CD81: variants seen among roughly 807,000 people sequenced by gnomAD.
CD81 encodes CD81 molecule.
Under a neutral mutation model 30.1 loss-of-function variants are expected in CD81, and 10 were observed. The observed-to-expected ratio is 0.33, with a 90% CI of 0.21 to 0.56. The LOEUF (loss-of-function observed/expected upper bound fraction) is 0.56. Among genes scored for constraint, CD81 ranks in the 20% least tolerant of loss-of-function variants. The probability of loss-of-function intolerance (pLI) is 0.89; values close to 1 mark genes in which losing one functional copy is unlikely to be tolerated. For missense variants in CD81, 263 were observed against 308.7 expected (o/e 0.85, Z 1.11); for synonymous variants, 147 against 126.4 (o/e 1.16, Z -1.10).
chr11:2,396,111 T>TGGGGGG, intron 6 of CD81, 141 bp downstream of exon 6: 1 of 443,012 alleles, frequency 2.3e-6, no homozygotes, highest in Non-Finnish European at 4.5e-6. Flanking sequence ...GCTGCTCTGC[T>TGGGGGG]GGGAGGGTTG....
At chr11:2,381,320 CG>C (rs934562799) in intron 1 of CD81, among the ~76,000 whole-genome samples, 63 of 152,342 alleles carry the variant, frequency 4.1e-4, no homozygotes, top group African/African-American at 1.4e-3. Flanking sequence ...GTGGCTCTGC[CG>C]GGTGCTGACA....
intron 1 of CD81, among the ~76,000 whole-genome samples, chr11:2,384,974 C>T (rs1029699328): frequency 2.0e-5 from 3 of 152,096 alleles, no homozygotes; most frequent in East Asian, 1.9e-4. Context: ...TAACTGACAT[C>T]GGGCTCCATA....
intron 5 of CD81, 139 bp downstream of exon 5, chr11:2,395,659 A>G (rs567458567): frequency 2.5e-6 from 2 of 786,162 alleles, no homozygotes; most frequent in East Asian, 2.7e-5. Context: ...CCTGGTCTCA[A>G]CTGGTCCTCG....
chr11:2,381,165 C>CACTGGG (rs1220210683), intron 1 of CD81, among the ~76,000 whole-genome samples: 1 of 152,210 alleles, frequency 6.6e-6, no homozygotes, highest in African/African-American at 2.4e-5. Context: ...GGGAAACGGC[C>CACTGGG]ACTGGGTCAA....
chr11:2,396,015 GC>G, intron 6 of CD81, 45 bp downstream of exon 6: 1 of 1,317,714 alleles, frequency 7.6e-7, no homozygotes, highest in African/African-American at 1.4e-5. Flanking sequence ...CGCATGTCCC[GC>G]CCCTGGGTGG....
rs1244304650 is a variant in CD81, at chr11:2,377,641, C to T, written c.66+26C>T. 7 of 1,430,664 alleles carry T rather than the reference C, an allele frequency of 4.9e-6. No homozygotes were observed. The highest frequency in any genetic ancestry group is 2.7e-5 in the East Asian group (1 of 37,672). The allele number at this position is 1,430,664 out of a possible 1,614,324, so 88.6% of individuals were successfully genotyped here. On this transcript the variant is annotated intron_variant, in intron 1 of 7. Transcript: ENST00000263645. The surrounding 1 kb of genome is among the most constrained non-coding windows in gnomAD (Gnocchi z 7.7). Reference sequence around the variant, plus strand: ...GTAAGGGCTGCGCCGGGGGCCGGGGCGGGAGGGGGCAGGCACACACTCCAC... The same window carrying T: ...GTAAGGGCTGCGCCGGGGGCCGGGGTGGGAGGGGGCAGGCACACACTCCAC...
intron 1 of CD81, chr11:2,389,995 G>C (rs528902535): frequency 2.9e-6 from 1 of 349,132 alleles, no homozygotes; most frequent in Admixed American, 3.8e-5. Context: ...GCCAGATACG[G>C]AAGGTGAAAC....
rs1246933929 is a variant in CD81, at chr11:2,390,456, T to C, written c.111T>C (p.His37=). The C allele has an allele frequency of 6.2e-7, 1 of 1,612,844 alleles. No individual in the cohort carries two copies. The highest frequency in any genetic ancestry group is 1.3e-5 in the African/African-American group (1 of 74,944). ...TGGGTGTGGCCCTGTGGCTCCGCCA[T>C]GACCCGCAGACCACCAACCTCCTGT... is the stretch of plus-strand genomic sequence containing the variant. ...VILGVALWLR[H]DPQTTNLLYL... The change falls in exon 2 of 8, where the codon CAT becomes CAC. Residue 37 remains histidine, a synonymous_variant. Transcript: ENST00000263645.
At position 2,377,629 on chromosome 11, in the gene CD81, C is replaced by T. The variant is rs896240258; in HGVS notation, c.66+14C>T. On this transcript the variant is annotated intron_variant, in intron 1 of 7. Transcript: ENST00000263645. The surrounding 1 kb of genome is among the most constrained non-coding windows in gnomAD (Gnocchi z 7.7). ...TTCGTCTTCTGGGTAAGGGCTGCGC[C>T]GGGGGCCGGGGCGGGAGGGGGCAGG... 10 of 1,503,154 alleles carry T rather than the reference C, an allele frequency of 6.7e-6. No homozygotes were observed. The highest frequency in any genetic ancestry group is 2.9e-5 in the African/African-American group (2 of 69,614). The allele number at this position is 1,503,154 out of a possible 1,614,324, so 93.1% of individuals were successfully genotyped here.
At chr11:2,384,345 C>G (rs1333093179) in intron 1 of CD81, among the ~76,000 whole-genome samples, 1 of 15,706 alleles carries the variant, frequency 6.4e-5, no homozygotes, top group East Asian at 2.0e-3. Context: ...CGGGGCGTCT[C>G]GGGAGGTGGG....
chr11:2,393,861 T>C (rs947983206), intron 2 of CD81: 2 of 682,184 alleles, frequency 2.9e-6, no homozygotes, highest in African/African-American at 3.5e-5. Context: ...AGGTGCCCAG[T>C]CCCCATGTGG....
Position 2,397,272 on chromosome 11 carries a change from T to A in CD81, c.*406T>A, listed in dbSNP as rs1373708133. 4 of 287,806 alleles carry A rather than the reference T, an allele frequency of 1.4e-5. No individual in the cohort carries two copies. The highest frequency in any genetic ancestry group is 2.7e-5 in the Non-Finnish European group (4 of 148,932). 17.8% of individuals were successfully genotyped at this position (287,806 alleles called of 1,614,324 possible). ...CTCACCTTGTTCCCTCCTGCCCCGG[T>A]TCGAGAGCCGAGTCTGTGGGCACTC... On this transcript the variant is annotated 3_prime_UTR_variant, in exon 8 of 8. Transcript: ENST00000263645.
rs1030159011 is a variant in CD81, at chr11:2,377,758, T to TG, written c.66+149dup. 1.0e-4 allele frequency: 33 copies of TG among 322,292 alleles called. No homozygotes were observed. The highest frequency in any genetic ancestry group is 1.5e-4 in the Non-Finnish European group (27 of 183,896). 20.0% of individuals were successfully genotyped at this position (322,292 alleles called of 1,614,324 possible). A position where few individuals can be genotyped will look rare whatever the true frequency, so the allele number is the denominator to read the frequency against. Reference sequence around the variant, plus strand: ...CCACCTGTGGGCTCCAGGAGCGGGGTGGGGGGTCGCCCGGGGCCACCGCGC... The same window carrying TG: ...CCACCTGTGGGCTCCAGGAGCGGGGTGGGGGGGTCGCCCGGGGCCACCGCGC... On this transcript the variant is annotated intron_variant, in intron 1 of 7. Transcript: ENST00000263645. This position sits in a 1 kb window ranked among gnomAD's most constrained non-coding sequence, Gnocchi z 7.7.
In CD81 at chr11:2,395,063, A is replaced by T; in HGVS notation, c.354+17A>T. 1.3e-4 allele frequency: 175 copies of T among 1,372,106 alleles called. No homozygotes were observed. The highest frequency in any genetic ancestry group is 1.7e-4 in the Non-Finnish European group (164 of 974,080). The allele number at this position is 1,372,106 out of a possible 1,614,324, so 85.0% of individuals were successfully genotyped here. A position where few individuals can be genotyped will look rare whatever the true frequency, so the allele number is the denominator to read the frequency against. On this transcript the variant is annotated intron_variant, in intron 4 of 7. Coordinates refer to ENST00000263645, the MANE Select transcript of CD81 (RefSeq NM_004356.4). ...AAGGACCAGGTGAGCCTGGGTGTGC[A>T]GGGACAGGGTGGGGTGGGTGACGGG...
intron 1 of CD81, chr11:2,385,828 T>C: frequency 1.6e-6 from 1 of 632,048 alleles, no homozygotes; most frequent in African/African-American, 2.0e-5. Flanking sequence ...TATGGGTTGT[T>C]TCAGTTTGGG....
chr11:2,391,035 G>C lies in CD81; in HGVS notation c.181+509G>C, dbSNP rs913357193. 1.2e-5 allele frequency: 3 copies of C among 248,466 alleles called. No individual in the cohort carries two copies. The East Asian group carries it at 3.0e-4, about 25-fold the overall frequency. 15.4% of individuals were successfully genotyped at this position (248,466 alleles called of 1,614,324 possible). Reference sequence around the variant, plus strand: ...GCACCTTGCTGCCTTATTAGGCTGCGTGTGGGGGACTGGGCTGCCCTCCCT... The same window carrying C: ...GCACCTTGCTGCCTTATTAGGCTGCCTGTGGGGGACTGGGCTGCCCTCCCT... On this transcript the variant is annotated intron_variant, in intron 2 of 7. Coordinates refer to ENST00000263645, the MANE Select transcript of CD81 (RefSeq NM_004356.4).
Position 2,390,462 on chromosome 11 carries a change from G to A in CD81, c.117G>A (p.Pro39=), listed in dbSNP as rs549212276. The change falls in exon 2 of 8, where the codon CCG becomes CCA. Residue 39 remains proline, a synonymous_variant. Transcript: ENST00000263645. The part of the protein sequence containing the change: ...LGVALWLRHD[P]QTTNLLYLEL... ...TGGCCCTGTGGCTCCGCCATGACCC[G>A]CAGACCACCAACCTCCTGTATCTGG... 5.0e-6 allele frequency: 8 copies of A among 1,612,906 alleles called. No individual in the cohort carries two copies. The highest frequency in any genetic ancestry group is 4.4e-5 in the South Asian group (4 of 91,086).
intron 2 of CD81, chr11:2,392,669 T>TC (rs1849920019): frequency 6.6e-6 from 1 of 152,266 alleles, no homozygotes; most frequent in Non-Finnish European, 1.5e-5. Flanking sequence ...TTCTGGAGCC[T>TC]CTTGCTGTCC....
intron 5 of CD81, 161 bp downstream of exon 5, chr11:2,395,681 AGTGGGCCAGG>A (rs1366980116): frequency 2.6e-6 from 2 of 756,136 alleles, no homozygotes; most frequent in Non-Finnish European, 4.5e-6. Flanking sequence ...GTGGGAACCT[AGTGGGCCAGG>A]GTGGCCCAGG....
Sources: allele counts gnomAD v4.1 joint callset (sites outside exome capture counted in the v4.1 genomes callset), GRCh38; gene constraint gnomAD v4.1.1; non-coding constraint Gnocchi (gnomAD v3.1); transcripts MANE v1.5; gene names NCBI Gene and HGNC (gene_info 2026-07-23, HGNC 2026-07-21).